Variants in IQCM observed in about 807,000 individuals in gnomAD.
The protein encoded by IQCM is IQ motif containing M.
IQCM carries 45 observed loss-of-function variants against 57.6 expected under a neutral mutation model. The observed-to-expected ratio is 0.78, with a 90% confidence interval of 0.62 to 1.00. The LOEUF (loss-of-function observed/expected upper bound fraction) is 1.00, where lower values mean the gene tolerates loss of function less well. IQCM is among the 50% of genes least tolerant of loss of function. The probability of loss-of-function intolerance (pLI) is 0.00; values close to 1 mark genes in which losing one functional copy is unlikely to be tolerated. For missense variants in IQCM, 468 were observed against 511.6 expected, an observed-to-expected ratio of 0.91 and a Z score of 0.82; for synonymous variants, 148 against 158.9, an observed-to-expected ratio of 0.93 and a Z score of 0.51.
At chr4:149,398,758 G>A (rs946376847) in intron 13 of IQCM, among the ~76,000 whole-genome samples, 2 of 151,948 alleles carry the variant, frequency 1.3e-5, no homozygotes, top group Non-Finnish European at 2.9e-5. Flanking sequence ...CCAGGCTACA[G>A]TGCAGAGGCA....
chr4:149,814,426 G>A (rs1266293433), intron 2 of IQCM, among the ~76,000 whole-genome samples: 5 of 151,836 alleles, frequency 3.3e-5, no homozygotes, highest in Non-Finnish European at 5.9e-5. Flanking sequence ...TATTTTCACA[G>A]TCCATTCTGA....
chr4:149,362,122 T>C (rs1358955072), intron 13 of IQCM, among the ~76,000 whole-genome samples: 2 of 152,116 alleles, frequency 1.3e-5, no homozygotes, highest in African/African-American at 2.4e-5. Flanking sequence ...TGTTACTCCT[T>C]TGTTTTGGCC....
At chr4:149,637,044 G>A (rs1382471819) in intron 7 of IQCM, among the ~76,000 whole-genome samples, 3 of 151,256 alleles carry the variant, frequency 2.0e-5, no homozygotes, top group Non-Finnish European at 4.4e-5. Flanking sequence ...TCGGGAGGCT[G>A]AGGCAGGAGA....
intron 9 of IQCM, among the ~76,000 whole-genome samples, chr4:149,575,610 C>A (rs1751559277): frequency 6.6e-6 from 1 of 151,724 alleles, no homozygotes; most frequent in African/African-American, 2.4e-5. Flanking sequence ...CATGCCAATC[C>A]CCAAAAAACA....
intron 3 of IQCM, 30 bp from the exon 4 acceptor site, chr4:149,735,488 A>G: frequency 9.9e-7 from 1 of 1,011,330 alleles, no homozygotes; most frequent in Non-Finnish European, 1.3e-6. Context: ...ACATTTTTTA[A>G]GCAGTTAATG....
intron 5 of IQCM, among the ~76,000 whole-genome samples, chr4:149,705,164 A>G (rs1400065630): frequency 1.4e-5 from 2 of 146,924 alleles, no homozygotes; most frequent in Non-Finnish European, 3.0e-5. Context: ...TTATAAATAT[A>G]TAAAAATATA....
intron 2 of IQCM, among the ~76,000 whole-genome samples, chr4:149,744,381 A>T (rs1767733452): frequency 6.6e-6 from 1 of 152,156 alleles, no homozygotes; most frequent in African/African-American, 2.4e-5. Context: ...ATAAGAAGGA[A>T]ATAAAAATGT....
chr4:149,465,432 C>A (rs1553970256), intron 12 of IQCM, among the ~76,000 whole-genome samples: 1 of 151,960 alleles, frequency 6.6e-6, no homozygotes, highest in African/African-American at 2.4e-5. Context: ...CAGATGAGTA[C>A]CGAAAAAAGG....
At chr4:149,500,046 C>T (rs1385331118) in intron 12 of IQCM, among the ~76,000 whole-genome samples, 1 of 152,186 alleles carries the variant, frequency 6.6e-6, no homozygotes, top group Non-Finnish European at 1.5e-5. Context: ...CCAGCTGTCT[C>T]TGGAGAAAAG....
chr4:149,545,428 T>C (rs1579436309), intron 12 of IQCM, among the ~76,000 whole-genome samples: 1 of 151,516 alleles, frequency 6.6e-6, no homozygotes. Flanking sequence ...CCAAAGAAAA[T>C]ATGCAAGGGG....
chr4:149,776,106 T>C (rs1056699089), intron 2 of IQCM, among the ~76,000 whole-genome samples: 6 of 152,068 alleles, frequency 3.9e-5, no homozygotes, highest in Non-Finnish European at 7.4e-5. Flanking sequence ...ACACTTCAGC[T>C]TGGGGACACA....
At chr4:149,519,464 A>G (rs1579341922) in intron 12 of IQCM, among the ~76,000 whole-genome samples, 1 of 151,936 alleles carries the variant, frequency 6.6e-6, no homozygotes, top group Admixed American at 6.6e-5. Context: ...TACTAAAAAT[A>G]CAAAAAAATT....
intron 13 of IQCM, among the ~76,000 whole-genome samples, chr4:149,386,043 C>T (rs1731399818): frequency 6.6e-6 from 1 of 152,022 alleles, no homozygotes; most frequent in Admixed American, 6.6e-5. Context: ...CCTTCATTGG[C>T]TTCTCACCTC....
rs1343699799 is a variant in IQCM at position 149,351,881 on chromosome 4, A to T, written c.*70T>A. On this transcript the variant is annotated 3_prime_UTR_variant, in exon 14 of 14. Coordinates refer to ENST00000636793, the MANE Select transcript of IQCM (RefSeq NM_001363507.2). ...CTTCCTACTCATACAGAATTGATCC[A>T]CCTCCAGTGTTAACTTGTCTCTTTG... is the stretch of plus-strand genomic sequence containing the variant. 1 of 397,666 alleles carries T rather than the reference A, an allele frequency of 2.5e-6. No individual in the cohort carries two copies. Among genetic ancestry groups the T allele is most frequent in the African/African-American group, 2.1e-5 (1 of 48,592 alleles). 24.6% of individuals were successfully genotyped at this position (397,666 alleles called of 1,614,324 possible).
chr4:149,355,791 T>C (rs1283343739), intron 13 of IQCM, among the ~76,000 whole-genome samples: 4 of 152,140 alleles, frequency 2.6e-5, no homozygotes, highest in South Asian at 2.1e-4. Context: ...ATGGTATTTC[T>C]AGTTCTAGAT....
intron 12 of IQCM, among the ~76,000 whole-genome samples, chr4:149,480,496 A>G (rs777884504): frequency 2.2e-4 from 33 of 152,262 alleles, no homozygotes; most frequent in Non-Finnish European, 4.1e-4. Context: ...GATCCCATAA[A>G]TAAGTGAGAA....
At chr4:149,808,763 T>C (rs1035189208) in intron 2 of IQCM, among the ~76,000 whole-genome samples, 1 of 152,164 alleles carries the variant, frequency 6.6e-6, no homozygotes, top group African/African-American at 2.4e-5. Context: ...AGTGCTTATT[T>C]TTAAGTTGAT....
chr4:149,431,463 G>T (rs1375528595), intron 13 of IQCM, among the ~76,000 whole-genome samples: 1 of 151,686 alleles, frequency 6.6e-6, no homozygotes, highest in Non-Finnish European at 1.5e-5. Context: ...TTATATAAAT[G>T]CTTCTCTTTT....
chr4:149,720,730 T>C (rs529667828), intron 5 of IQCM, among the ~76,000 whole-genome samples: 273 of 152,194 alleles, frequency 1.8e-3, no homozygotes, highest in African/African-American at 5.4e-3. Flanking sequence ...CAGGAAGAAA[T>C]GAAGAAAAGT....
Sources: allele counts gnomAD v4.1 joint callset (sites outside exome capture counted in the v4.1 genomes callset), GRCh38; gene constraint gnomAD v4.1.1; transcripts MANE v1.5; gene names NCBI Gene and HGNC (gene_info 2026-07-23, HGNC 2026-07-21).